Variants in PTPRD observed in about 807,000 individuals in gnomAD.
PTPRD encodes the protein receptor-type tyrosine-protein phosphatase delta.
A neutral mutation model predicts 214.5 loss-of-function variants in PTPRD; 34 were observed. The observed-to-expected ratio is 0.16, with a 90% CI of 0.12 to 0.21. The LOEUF (loss-of-function observed/expected upper bound fraction) is 0.21. Among genes scored for constraint, PTPRD ranks in the 10% least tolerant of loss-of-function variants. The probability of loss-of-function intolerance (pLI) is 1.00; values close to 1 mark genes in which losing one functional copy is unlikely to be tolerated. For missense variants in PTPRD, 2,545 were observed against 2,398.7 expected (o/e 1.06, Z -1.27); for synonymous variants, 1,128 against 845.7 (o/e 1.33, Z -5.79).
At chr9:8,762,362 A>C (rs1283552366) in intron 11 of PTPRD, among the ~76,000 whole-genome samples, 1 of 152,188 alleles carries the variant, frequency 6.6e-6, no homozygotes, top group Non-Finnish European at 1.5e-5. Flanking sequence ...AACTGCATAT[A>C]TCACCTTCAT....
At chr9:10,398,207 T>A (rs554280375) in intron 2 of PTPRD, among the ~76,000 whole-genome samples, 1 of 151,676 alleles carries the variant, frequency 6.6e-6, no homozygotes, top group South Asian at 2.1e-4. Flanking sequence ...AGCGAGACCC[T>A]GTCATTACAA....
At chr9:9,252,837 CT>C (rs1486799899) in intron 9 of PTPRD, among the ~76,000 whole-genome samples, 14 of 152,082 alleles carry the variant, frequency 9.2e-5, no homozygotes, top group Admixed American at 2.6e-4. Context: ...GTTAATCTGT[CT>C]TTTGTTACAG....
chr9:9,407,315 T>C (rs1425633630), intron 8 of PTPRD, among the ~76,000 whole-genome samples: 4 of 151,764 alleles, frequency 2.6e-5, no homozygotes, highest in African/African-American at 9.7e-5. Context: ...GAATATACAA[T>C]GGTGAATTCA....
intron 4 of PTPRD, among the ~76,000 whole-genome samples, chr9:9,981,987 CTTGA>C (rs1289927923): frequency 1.3e-5 from 2 of 152,140 alleles, no homozygotes; most frequent in African/African-American, 4.8e-5. Flanking sequence ...ATAAAAATTA[CTTGA>C]TTAATTATCA....
intron 34 of PTPRD, among the ~76,000 whole-genome samples, chr9:8,439,473 T>C (rs2095470090): frequency 6.6e-6 from 1 of 152,204 alleles, no homozygotes; most frequent in African/African-American, 2.4e-5. Context: ...TTTTACAAAA[T>C]GGAAAACTAG....
intron 2 of PTPRD, among the ~76,000 whole-genome samples, chr9:10,410,793 T>G (rs1017802428): frequency 6.6e-6 from 1 of 151,770 alleles, no homozygotes; most frequent in African/African-American, 2.4e-5. Flanking sequence ...TCATTGGAAA[T>G]GCCAAAACCA....
chr9:8,555,541 CA>C (rs1361805654), intron 14 of PTPRD, among the ~76,000 whole-genome samples: 11 of 152,344 alleles, frequency 7.2e-5, no homozygotes, highest in Middle Eastern at 3.4e-3. Context: ...TGATGTTAAA[CA>C]CTAAATCCAA....
chr9:8,638,003 A>G (rs1216557625), intron 12 of PTPRD, among the ~76,000 whole-genome samples: 1 of 151,440 alleles, frequency 6.6e-6, no homozygotes. Flanking sequence ...CATTTTAATT[A>G]TTTCTCCGAC....
At chr9:9,500,032 T>C (rs2096353843) in intron 8 of PTPRD, among the ~76,000 whole-genome samples, 1 of 152,124 alleles carries the variant, frequency 6.6e-6, no homozygotes, top group Non-Finnish European at 1.5e-5. Flanking sequence ...AACACAGCAT[T>C]GTTTAGGAGT....
chr9:10,060,853 CTTT>C (rs2097757062), intron 3 of PTPRD, among the ~76,000 whole-genome samples: 1 of 110,388 alleles, frequency 9.1e-6, no homozygotes, highest in Admixed American at 8.6e-5. Flanking sequence ...CCTTTCCTTT[CTTT>C]CTTCCTTCCT....
At chr9:9,363,366 T>C (rs530644567) in intron 9 of PTPRD, among the ~76,000 whole-genome samples, 2 of 151,416 alleles carry the variant, frequency 1.3e-5, no homozygotes, top group South Asian at 4.1e-4. Context: ...CCCTTATACC[T>C]GAAGAACAAA....
intron 11 of PTPRD, among the ~76,000 whole-genome samples, chr9:8,822,641 G>A (rs2154527146): frequency 6.6e-6 from 1 of 152,270 alleles, no homozygotes; most frequent in South Asian, 2.1e-4. Flanking sequence ...ATATTATTGA[G>A]GACTTATTTG....
chr9:9,156,857 T>C (rs1299731935), intron 10 of PTPRD, among the ~76,000 whole-genome samples: 4 of 152,204 alleles, frequency 2.6e-5, no homozygotes, highest in Non-Finnish European at 5.9e-5. Flanking sequence ...TTTCTATTCC[T>C]ATTCCACTGG....
intron 11 of PTPRD, among the ~76,000 whole-genome samples, chr9:8,793,996 T>C (rs963187294): frequency 5.9e-5 from 9 of 152,186 alleles, no homozygotes; most frequent in South Asian, 2.1e-4. Flanking sequence ...AGCTGTGATA[T>C]TGATATAGAG....
At chr9:8,539,648 C>G (rs2077851986) in intron 14 of PTPRD, among the ~76,000 whole-genome samples, 1 of 151,996 alleles carries the variant, frequency 6.6e-6, no homozygotes, top group Non-Finnish European at 1.5e-5. Flanking sequence ...AATATAACAT[C>G]ACTTCCACAA....
At chr9:9,344,876 T>C (rs1454930460) in intron 9 of PTPRD, among the ~76,000 whole-genome samples, 4 of 152,110 alleles carry the variant, frequency 2.6e-5, no homozygotes, top group Non-Finnish European at 1.5e-5. Flanking sequence ...TAAATGTATA[T>C]AATTATTCTA....
chr9:8,924,984 G>C (rs1483301583), intron 11 of PTPRD, among the ~76,000 whole-genome samples: 1 of 152,086 alleles, frequency 6.6e-6, no homozygotes, highest in Admixed American at 6.5e-5. Context: ...TGACTTGCTT[G>C]GTCCCATATG....
intron 3 of PTPRD, among the ~76,000 whole-genome samples, chr9:10,157,629 G>C (rs1029808501): frequency 2.6e-5 from 4 of 151,918 alleles, no homozygotes; most frequent in African/African-American, 9.7e-5. Flanking sequence ...TGATCTTCTT[G>C]TGAAGTATCT....
chr9:10,173,691 A>G (rs2099226757), intron 3 of PTPRD, among the ~76,000 whole-genome samples: 1 of 151,964 alleles, frequency 6.6e-6, no homozygotes, highest in East Asian at 1.9e-4. Flanking sequence ...AAGGATAAAC[A>G]GAAAATAACA....
Sources: gnomAD v4.1 joint callset for allele counts (sites outside exome capture counted in the v4.1 genomes callset) on GRCh38, gnomAD v4.1.1 for gene constraint, MANE v1.5 for transcripts, NCBI Gene and HGNC (gene_info 2026-07-23, HGNC 2026-07-21) for gene names.